The following PRIM2 variants were observed in gnomAD, a reference collection of about 807,000 sequenced individuals.
The protein encoded by PRIM2 is DNA primase subunit 2.
Under a neutral mutation model 67.3 loss-of-function variants are expected in PRIM2, and 39 were observed. The observed-to-expected ratio is 0.58, with a 90% CI of 0.45 to 0.76. The LOEUF is 0.76. PRIM2 is among the 30% of genes least tolerant of loss of function. The pLI, the probability that PRIM2 is intolerant of heterozygous loss-of-function variation, is 0.00. For missense variants in PRIM2, 398 were observed against 598.7 expected, an observed-to-expected ratio of 0.66 and a Z score of 3.50; for synonymous variants, 143 against 198.7, an observed-to-expected ratio of 0.72 and a Z score of 2.36.
the PRIM2 span, among the ~76,000 whole-genome samples, chr6:57,275,987 C>T: frequency 6.6e-6 from 1 of 152,324 alleles, no homozygotes; most frequent in East Asian, 1.9e-4. Context: ...GAGGAAGGAA[C>T]TGGAGCTCCA....
intron 5 of PRIM2, among the ~76,000 whole-genome samples, chr6:57,337,385 A>G (rs1768293386): frequency 6.6e-6 from 1 of 151,862 alleles, no homozygotes; most frequent in African/African-American, 2.4e-5. Context: ...AGAACTCTCC[A>G]CCCCAAATCA....
chr6:57,279,804 C>G, the PRIM2 span, among the ~76,000 whole-genome samples: 4 of 152,072 alleles, frequency 2.6e-5, no homozygotes, highest in African/African-American at 9.7e-5. Flanking sequence ...AAAAAGCAGC[C>G]AAAGTATGGT....
rs1283140465 is a variant in PRIM2, at chr6:57,537,782, T to C, written c.1020+157T>C. ...CAATTCAGTTTAGATAAAAAGAAAC[T>C]TGCATATTAATCTAATACAAAAGAT... is the stretch of plus-strand genomic sequence containing the variant. On this transcript the variant is annotated intron_variant, in intron 10 of 13. Coordinates refer to ENST00000615550, the MANE Select transcript of PRIM2 (RefSeq NM_000947.5). Among the ~76,000 whole-genome samples the C allele has an allele frequency of 5.5e-3, 843 of 152,266 alleles. 6 individuals are homozygous for C. The highest frequency in any genetic ancestry group is 9.6e-3 in the Non-Finnish European group (651 of 68,020).
chr6:57,222,808 G>A, the PRIM2 span, among the ~76,000 whole-genome samples: 65 of 152,314 alleles, frequency 4.3e-4, 1 homozygote, highest in Middle Eastern at 3.4e-3. Flanking sequence ...AAAATACCAA[G>A]TGTTGGCCAG....
chr6:57,599,178 C>CCT (rs1776419267), intron 10 of PRIM2, among the ~76,000 whole-genome samples: 1 of 65,286 alleles, frequency 1.5e-5, no homozygotes. Flanking sequence ...GATCTCCTGA[C>CCT]CTCGTGATCC....
chr6:57,280,137 A>G, the PRIM2 span, among the ~76,000 whole-genome samples: 81,480 of 151,848 alleles, frequency 0.54, 23,702 homozygotes, highest in East Asian at 0.82. Flanking sequence ...ACTTTCAAAT[A>G]GTTTTTGTTT....
Position 57,472,572 on chromosome 6 carries a change from A to G in PRIM2, c.694-34815A>G, listed in dbSNP as rs1381533034. 3.9e-5 allele frequency among the ~76,000 whole-genome samples: 6 copies of G among 152,266 alleles called. No homozygotes were observed. In the East Asian group the frequency reaches 1.2e-3, roughly 29 times the overall value. ...TCACTTGATGGATTCCTAGCTGGCT[A>G]CACTTGATACTTGTATCTTTAAATT... On this transcript the variant is annotated intron_variant, in intron 7 of 13. Transcript: ENST00000615550.
At chr6:57,594,008 G>T (rs1406724470) in intron 10 of PRIM2, among the ~76,000 whole-genome samples, 3 of 152,184 alleles carry the variant, frequency 2.0e-5, no homozygotes, top group African/African-American at 7.2e-5. Flanking sequence ...CTGAAATCTT[G>T]TATCTAATTA....
intron 7 of PRIM2, among the ~76,000 whole-genome samples, chr6:57,506,712 C>T (rs1774258342): frequency 6.6e-6 from 1 of 151,918 alleles, no homozygotes; most frequent in South Asian, 2.1e-4. Flanking sequence ...AATAGAGATA[C>T]ATAGATATAT....
At chr6:57,459,934 GA>G (rs1334864209) in intron 7 of PRIM2, among the ~76,000 whole-genome samples, 2 of 152,154 alleles carry the variant, frequency 1.3e-5, no homozygotes, top group African/African-American at 4.8e-5. Context: ...ACCCCTAGGT[GA>G]AAAGGTACTG....
At position 57,545,774 on chromosome 6, in the gene PRIM2, T is replaced by C. The variant is rs1775277436; in HGVS notation, c.1020+8149T>C. Among the ~76,000 whole-genome samples, 4 of 152,212 alleles carry C rather than the reference T, an allele frequency of 2.6e-5. No individual in the cohort carries two copies. The South Asian group carries it at 8.3e-4, about 32-fold the overall frequency. On this transcript the variant is annotated intron_variant, in intron 10 of 13. Coordinates refer to ENST00000615550, the MANE Select transcript of PRIM2 (RefSeq NM_000947.5). ...TCACGAGAGTCTTCCAAGAGATTTA[T>C]TTGGAAAAACCAGATAAATACAAAT...
chr6:57,434,442 AT>A (rs980142278), intron 7 of PRIM2, among the ~76,000 whole-genome samples: 23 of 152,096 alleles, frequency 1.5e-4, no homozygotes, highest in African/African-American at 5.6e-4. Context: ...TAAAAAAAAA[AT>A]CTCAAGAATT....
chr6:57,352,836 A>G (rs572318231), intron 5 of PRIM2, among the ~76,000 whole-genome samples: 7 of 152,116 alleles, frequency 4.6e-5, no homozygotes, highest in Non-Finnish European at 5.9e-5. Context: ...TAGAAGGGGA[A>G]AAAAAATAGT....
At position 57,572,148 on chromosome 6, in the gene PRIM2, C is replaced by T. The variant is rs1409166823; in HGVS notation, c.1021-28945C>T. On this transcript the variant is annotated intron_variant, in intron 10 of 13. Transcript: ENST00000615550. Reference sequence around the variant, plus strand: ...AGTGTCCAGTATAGCACCCTACAGTCTATTTCTTTAAGGGAAGAAAAAGTT... The same window carrying T: ...AGTGTCCAGTATAGCACCCTACAGTTTATTTCTTTAAGGGAAGAAAAAGTT... Among the ~76,000 whole-genome samples, 127 of 152,286 alleles carry T rather than the reference C, an allele frequency of 8.3e-4. 1 individual carries two copies. Among genetic ancestry groups the T allele is most frequent in the Admixed American group, 2.8e-3 (43 of 15,296 alleles).
At chr6:57,330,141 G>A (rs1283122445) in intron 5 of PRIM2, among the ~76,000 whole-genome samples, 1 of 151,760 alleles carries the variant, frequency 6.6e-6, no homozygotes, top group African/African-American at 2.4e-5. Context: ...CATGAACATG[G>A]GATGTCTTTC....
chr6:57,329,106 G>A (rs1230499137), intron 5 of PRIM2, among the ~76,000 whole-genome samples: 1 of 150,980 alleles, frequency 6.6e-6, no homozygotes, highest in Non-Finnish European at 1.5e-5. Context: ...GTCTTTTCTT[G>A]ATGGTATTGT....
At chr6:57,391,582 G>A (rs9382720) in intron 7 of PRIM2, among the ~76,000 whole-genome samples, 1 of 151,572 alleles carries the variant, frequency 6.6e-6, no homozygotes, top group Middle Eastern at 3.4e-3. Context: ...TTCTGCATAT[G>A]GCTAGCCAGT....
intron 10 of PRIM2, among the ~76,000 whole-genome samples, chr6:57,577,675 C>T (rs1189888935): frequency 2.0e-5 from 3 of 152,034 alleles, no homozygotes; most frequent in Non-Finnish European, 4.4e-5. Context: ...GTGATCCACC[C>T]ACCTCAGCCT....
At position 57,377,950 on chromosome 6, in the gene PRIM2, A is replaced by G. The variant is rs1769824160; in HGVS notation, c.460-1951A>G. Among the ~76,000 whole-genome samples the G allele has an allele frequency of 2.0e-5, 3 of 152,130 alleles. No individual in the cohort carries two copies. In the South Asian group the frequency reaches 6.2e-4, roughly 32 times the overall value. ...GTTCCTGTAAGGGCTCAACGGGCTC[A>G]GAAATGTCATTTCTTAGATTCTACA... On this transcript the variant is annotated intron_variant, in intron 5 of 13. Coordinates refer to ENST00000615550, the MANE Select transcript of PRIM2 (RefSeq NM_000947.5).
Sources: allele counts gnomAD v4.1 joint callset (sites outside exome capture counted in the v4.1 genomes callset), GRCh38; gene constraint gnomAD v4.1.1; transcripts MANE v1.5; gene names NCBI Gene and HGNC (gene_info 2026-07-23, HGNC 2026-07-21).